Variants in GABRB3 observed in about 807,000 individuals in gnomAD.
GABRB3 encodes gamma-aminobutyric acid type A receptor subunit beta3.
A neutral mutation model predicts 52.1 loss-of-function variants in GABRB3; 14 were observed. That is an observed-to-expected ratio of 0.27 (90% CI 0.18 to 0.42). GABRB3 has a LOEUF of 0.42. Among genes scored for constraint, GABRB3 ranks in the 10% least tolerant of loss-of-function variants. The pLI, the probability that GABRB3 is intolerant of heterozygous loss-of-function variation, is 1.00. For synonymous variants in GABRB3, 260 were observed against 232.3 expected (o/e 1.12, Z -1.08); for missense variants, 307 against 609.1 (o/e 0.50, Z 5.22).
chr15:26,583,850 C>T (rs887714079), intron 4 of GABRB3, among the ~76,000 whole-genome samples: 1 of 151,018 alleles, frequency 6.6e-6, no homozygotes. Flanking sequence ...TCTCAGATCA[C>T]TGCAAGCTCC....
chr15:26,613,789 A>AT (rs1346769465), intron 4 of GABRB3: 2 of 152,230 alleles, frequency 1.3e-5, no homozygotes, highest in African/African-American at 4.8e-5. Context: ...AAGTGCTATG[A>AT]TAACAACCCA....
intron 8 of GABRB3, among the ~76,000 whole-genome samples, chr15:26,550,703 AC>A (rs139398003): frequency 0.23 from 35,662 of 152,116 alleles, 4,341 homozygotes; most frequent in Admixed American, 0.28. Flanking sequence ...AGCACAGTTA[AC>A]CCCAGAGCCT....
intron 4 of GABRB3, among the ~76,000 whole-genome samples, chr15:26,610,048 C>T (rs10468158): frequency 0.17 from 25,557 of 152,100 alleles, 2,198 homozygotes; most frequent in African/African-American, 0.22. Flanking sequence ...CTCACCACAT[C>T]TGGACAATGA....
rs139603843 is a variant in GABRB3 at position 26,672,980 on chromosome 15, T to C, written c.241-51446A>G. 6.9e-3 allele frequency among the ~76,000 whole-genome samples: 1,056 copies of C among 151,972 alleles called. 16 individuals are homozygous for C. Among genetic ancestry groups the C allele is most frequent in the African/African-American group, 0.025 (1,027 of 41,530 alleles). On this transcript the variant is annotated intron_variant, in intron 3 of 8. Transcript: ENST00000311550. ...CATTACAAGCACATGTCATACTTAC[T>C]TATCAAAAGCCAATGCACAAAATGG...
intron 8 of GABRB3, among the ~76,000 whole-genome samples, chr15:26,557,377 A>G (rs1889792557): frequency 6.6e-6 from 1 of 152,180 alleles, no homozygotes; most frequent in Admixed American, 6.5e-5. Context: ...CCCTTGTGAC[A>G]TGCACTTTAG....
At position 26,710,718 on chromosome 15, in the gene GABRB3, T is replaced by C. The variant is rs761877750; in HGVS notation, c.240+61684A>G. ...TCCAAATGCTTCCTAATACTTAGTATTGTCAATCTTCAAGGGAAATATTGA... is the reference window on the plus strand; with the variant it reads ...TCCAAATGCTTCCTAATACTTAGTACTGTCAATCTTCAAGGGAAATATTGA... On this transcript the variant is annotated intron_variant, in intron 3 of 8. Coordinates refer to ENST00000311550, the MANE Select transcript of GABRB3 (RefSeq NM_000814.6). Among the ~76,000 whole-genome samples the C allele has an allele frequency of 3.3e-5, 5 of 152,338 alleles. No individual in the cohort carries two copies. In the South Asian group the frequency reaches 8.3e-4, roughly 25 times the overall value.
At chr15:26,553,091 A>G (rs147306618) in intron 8 of GABRB3, among the ~76,000 whole-genome samples, 65 of 152,342 alleles carry the variant, frequency 4.3e-4, no homozygotes, top group African/African-American at 1.6e-3. Flanking sequence ...TATGTTTAAA[A>G]TCTATCTGAT....
intron 3 of GABRB3, among the ~76,000 whole-genome samples, chr15:26,747,178 C>T (rs1334414426): frequency 6.6e-6 from 1 of 152,184 alleles, no homozygotes; most frequent in Non-Finnish European, 1.5e-5. Context: ...AGCTTTTATG[C>T]AATCCCTGTC....
chr15:26,761,233 A>G (rs1473637158), intron 3 of GABRB3, among the ~76,000 whole-genome samples: 1 of 152,124 alleles, frequency 6.6e-6, no homozygotes, highest in Non-Finnish European at 1.5e-5. Context: ...TCTCTACTAA[A>G]AATACAAAAA....
chr15:26,634,875 T>C (rs1202452647), intron 3 of GABRB3, among the ~76,000 whole-genome samples: 2 of 144,376 alleles, frequency 1.4e-5, no homozygotes, highest in African/African-American at 5.0e-5. Context: ...TACACACATA[T>C]TTATAGAGAG....
intron 3 of GABRB3, among the ~76,000 whole-genome samples, chr15:26,732,879 T>C (rs539102648): frequency 6.6e-6 from 1 of 152,100 alleles, no homozygotes; most frequent in South Asian, 2.1e-4. Flanking sequence ...GTGCCTGTCA[T>C]CCCAGCTACT....
chr15:26,725,423 C>G (rs1424159451), intron 3 of GABRB3, among the ~76,000 whole-genome samples: 1 of 152,138 alleles, frequency 6.6e-6, no homozygotes, highest in Non-Finnish European at 1.5e-5. Flanking sequence ...ATTGATCCAC[C>G]CACTGACTGC....
intron 6 of GABRB3, among the ~76,000 whole-genome samples, chr15:26,576,497 G>C (rs1369934572): frequency 6.6e-6 from 1 of 152,068 alleles, no homozygotes; most frequent in East Asian, 1.9e-4. Flanking sequence ...ATAAAACATG[G>C]GTTTGGGTAT....
rs1890292837 is a variant in GABRB3 at position 26,744,719 on chromosome 15, CCCAA to C, written c.240+27679_240+27682del. On this transcript the variant is annotated intron_variant, in intron 3 of 8. Transcript: ENST00000311550. ...GGGATTACAGGTGTGAGCCACTGTG[CCCAA>C]CCAATAACAGAAACTTTCATTAAAA... Among the ~76,000 whole-genome samples, 3 of 152,276 alleles carry C rather than the reference CCCAA, an allele frequency of 2.0e-5. No homozygotes were observed. In the South Asian group the frequency reaches 6.2e-4, roughly 32 times the overall value.
chr15:26,690,965 C>T (rs1177551464), intron 3 of GABRB3, among the ~76,000 whole-genome samples: 3 of 151,736 alleles, frequency 2.0e-5, no homozygotes, highest in Non-Finnish European at 2.9e-5. Context: ...CTCTTTCAAA[C>T]CCCAGCTGAT....
intron 3 of GABRB3, among the ~76,000 whole-genome samples, chr15:26,693,427 G>T (rs1888644388): frequency 1.3e-5 from 2 of 152,114 alleles, no homozygotes; most frequent in Admixed American, 6.5e-5. Flanking sequence ...AAATACACAG[G>T]CACTTCATGT....
intron 3 of GABRB3, among the ~76,000 whole-genome samples, chr15:26,627,211 G>GA (rs199573093): frequency 0.12 from 18,458 of 151,100 alleles, 1,270 homozygotes; most frequent in Admixed American, 0.2. Flanking sequence ...CTTCTGCTCA[G>GA]AAAAAACATT....
intron 3 of GABRB3, among the ~76,000 whole-genome samples, chr15:26,635,011 ATATATATATATT>A (rs1338179122): frequency 7.9e-3 from 3 of 382 alleles, no homozygotes; most frequent in African/African-American, 0.015. Context: ...TATATATATA[ATATATATATATT>A]TAGAGAGGAA....
At chr15:26,725,650 G>A (rs73372115) in intron 3 of GABRB3, among the ~76,000 whole-genome samples, 3,487 of 152,200 alleles carry the variant, frequency 0.023, 120 homozygotes, top group African/African-American at 0.078. Context: ...AAATGTTTGA[G>A]ACCATAAGAG....
Sources: allele counts gnomAD v4.1 joint callset (sites outside exome capture counted in the v4.1 genomes callset), GRCh38; gene constraint gnomAD v4.1.1; transcripts MANE v1.5; gene names NCBI Gene and HGNC (gene_info 2026-07-23, HGNC 2026-07-21).